Variants in KIF25 observed in about 807,000 individuals in gnomAD.
KIF25 encodes kinesin-like protein KIF25.
KIF25 carries 19 observed loss-of-function variants against 32.9 expected under a neutral mutation model. The observed-to-expected ratio is 0.58, with a 90% CI of 0.40 to 0.85. KIF25 has a LOEUF of 0.85. Ranked by LOEUF, KIF25 falls within the 40% of genes least tolerant of loss-of-function variation. KIF25 has a pLI of 0.00. For missense variants in KIF25, 485 were observed against 507.0 expected (o/e 0.96, Z 0.42); for synonymous variants, 225 against 213.7 (o/e 1.05, Z -0.46).
chr6:168,003,770 A>G (rs1798537452), intron 4 of KIF25, 67 bp downstream of exon 4: 1 of 152,182 alleles, frequency 6.6e-6, no homozygotes, highest in African/African-American at 2.4e-5. Flanking sequence ...TAAATAGAAA[A>G]TAATTTATTT....
intron 4 of KIF25, among the ~76,000 whole-genome samples, chr6:168,011,612 C>T (rs1798647582): frequency 6.6e-6 from 1 of 152,146 alleles, no homozygotes; most frequent in South Asian, 2.1e-4. Flanking sequence ...TCTCTTGCTG[C>T]TTTTAAAATT....
At chr6:168,025,483 G>T (rs1226420050) in intron 5 of KIF25, among the ~76,000 whole-genome samples, 1 of 152,048 alleles carries the variant, frequency 6.6e-6, no homozygotes, top group Non-Finnish European at 1.5e-5. Flanking sequence ...TTAAAATCGT[G>T]GCTTGCTGGA....
chr6:168,016,699 C>G (rs996770955), intron 4 of KIF25, among the ~76,000 whole-genome samples: 3 of 152,264 alleles, frequency 2.0e-5, no homozygotes, highest in Non-Finnish European at 4.4e-5. Flanking sequence ...TTCTTCTTTT[C>G]TAATTTGCAT....
intron 5 of KIF25, among the ~76,000 whole-genome samples, chr6:168,025,429 C>T (rs747482262): frequency 1.3e-5 from 2 of 152,144 alleles, no homozygotes; most frequent in Non-Finnish European, 2.9e-5. Context: ...GGGACAAGGT[C>T]TTACCTTGCA....
In KIF25 at chr6:168,016,662, T is replaced by C. The variant is rs149288782; in HGVS notation, c.-162-1311T>C. On this transcript the variant is annotated intron_variant, in intron 4 of 12. Coordinates refer to ENST00000643607, the MANE Select transcript of KIF25 (RefSeq NM_030615.4). ...CCACTCCCTCCCTCTTAACTTTCTTTCTTTGGCTTCGGTGACTTCATCTGC... is the reference window on the plus strand; with the variant it reads ...CCACTCCCTCCCTCTTAACTTTCTTCCTTTGGCTTCGGTGACTTCATCTGC... 1.2e-3 allele frequency among the ~76,000 whole-genome samples: 190 copies of C among 152,382 alleles called. 1 individual carries two copies. The highest frequency in any genetic ancestry group is 4.3e-3 in the African/African-American group (179 of 41,594).
chr6:168,014,791 T>C (rs1798692594), intron 4 of KIF25, among the ~76,000 whole-genome samples: 1 of 152,234 alleles, frequency 6.6e-6, no homozygotes, highest in Non-Finnish European at 1.5e-5. Flanking sequence ...TTTTCATTTT[T>C]CATTTAATTT....
intron 2 of KIF25, among the ~76,000 whole-genome samples, chr6:168,000,197 A>C (rs13212458): frequency 0.16 from 3,265 of 19,834 alleles, no homozygotes; most frequent in Middle Eastern, 0.21. Context: ...CACACCTGAC[A>C]CTCCCCACTC....
chr6:168,018,184 A>G (rs1798741897), intron 5 of KIF25, 144 bp downstream of exon 5: 2 of 152,192 alleles, frequency 1.3e-5, no homozygotes, highest in African/African-American at 2.4e-5. Context: ...CCTGAGGTAG[A>G]TTTTTCAACT....
At chr6:168,031,194 G>T (rs1269583015) in intron 7 of KIF25, among the ~76,000 whole-genome samples, 1 of 152,196 alleles carries the variant, frequency 6.6e-6, no homozygotes, top group Non-Finnish European at 1.5e-5. Context: ...AATCTGTAAG[G>T]AATGTTAATG....
Position 167,997,815 on chromosome 6 carries a change from T to C in KIF25, c.-1654T>C, listed in dbSNP as rs1798442871. Among the ~76,000 whole-genome samples the C allele has an allele frequency of 6.6e-6, 1 of 152,148 alleles. No individual in the cohort carries two copies. The highest frequency in any genetic ancestry group is 1.9e-4 in the East Asian group (1 of 5,198). ...TCGCTTCTGTGAGGTTTGATTTTGA[T>C]GGTTGCACTTTGGCCAGTTTCTCCG... is the stretch of plus-strand genomic sequence containing the variant. On this transcript the variant is annotated 5_prime_UTR_variant, in exon 1 of 13. It removes an upstream start codon present in the reference 5' UTR. Transcript: ENST00000643607.
chr6:168,025,722 A>G (rs1424856807), intron 5 of KIF25, among the ~76,000 whole-genome samples: 1 of 152,256 alleles, frequency 6.6e-6, no homozygotes, highest in Admixed American at 6.5e-5. Flanking sequence ...GAAGGATTCA[A>G]TGCGCACCTT....
intron 8 of KIF25, 144 bp from the exon 9 acceptor site, chr6:168,038,409 T>C: frequency 1.4e-6 from 1 of 720,614 alleles, no homozygotes. Flanking sequence ...CTGAGTGATC[T>C]TCGGGTATGT....
chr6:168,043,987 C>T (rs571465028), intron 12 of KIF25, among the ~76,000 whole-genome samples: 2 of 152,326 alleles, frequency 1.3e-5, no homozygotes, highest in South Asian at 4.1e-4. Flanking sequence ...CAGGTGTGGG[C>T]ATGAGGGAGA....
At chr6:168,020,159 G>C (rs901149708) in intron 5 of KIF25, among the ~76,000 whole-genome samples, 1 of 117,942 alleles carries the variant, frequency 8.5e-6, no homozygotes, top group Non-Finnish European at 1.9e-5. Context: ...CAAACAAACA[G>C]AGAAACACCA....
chr6:168,035,699 G>A (rs1009415329), intron 8 of KIF25: 5 of 455,836 alleles, frequency 1.1e-5, no homozygotes, highest in Admixed American at 9.4e-5. Context: ...TGGTTTTTCC[G>A]TTTTGCTGTT....
intron 5 of KIF25, among the ~76,000 whole-genome samples, chr6:168,023,211 C>A (rs1798811698): frequency 6.6e-6 from 1 of 151,714 alleles, no homozygotes; most frequent in Non-Finnish European, 1.5e-5. Context: ...CCAACTCAAG[C>A]CTTCTACCCA....
chr6:168,001,575 TGAGGCGTGGCC>T lies in KIF25; in HGVS notation c.-369-967_-369-957del, dbSNP rs1246541729. The stretch of plus-strand genomic sequence containing the variant: ...GGCCTCGGGCAGGTGAGAAGACACC[TGAGGCGTGGCC>T]TCGGGCAGGTGAGAAGACACCTGAG... On this transcript the variant is annotated intron_variant, in intron 2 of 12. Coordinates refer to ENST00000643607, the MANE Select transcript of KIF25 (RefSeq NM_030615.4). 3.1e-4 allele frequency among the ~76,000 whole-genome samples: 45 copies of T among 146,610 alleles called. 1 individual carries two copies. The highest frequency in any genetic ancestry group is 4.4e-4 in the Non-Finnish European group (29 of 66,532).
In KIF25 at chr6:168,033,915, G is replaced by A. The variant is rs747878414; in HGVS notation, c.201G>A (p.Thr67=). 35 of 1,614,004 alleles carry A rather than the reference G, an allele frequency of 2.2e-5. No individual in the cohort carries two copies. Among genetic ancestry groups the A allele is most frequent in the Non-Finnish European group, 2.8e-5 (33 of 1,180,028 alleles). The change falls in exon 8 of 13, where the codon ACG becomes ACA. Residue 67 remains threonine (T), a synonymous_variant. Coordinates refer to ENST00000643607, the MANE Select transcript of KIF25 (RefSeq NM_030615.4). Reference sequence around the variant, plus strand: ...TTTGTGTTATGGCGTATGGACAGACGGGCAGCGGAAAGAGCTATACCATGC... The same window carrying A: ...TTTGTGTTATGGCGTATGGACAGACAGGCAGCGGAAAGAGCTATACCATGC... ...YNVCVMAYGQ[T]GSGKSYTMLG... is the part of the protein sequence containing the mutation.
At chr6:168,020,148 A>G (rs1445075361) in intron 5 of KIF25, among the ~76,000 whole-genome samples, 1 of 151,808 alleles carries the variant, frequency 6.6e-6, no homozygotes, top group African/African-American at 2.4e-5. Flanking sequence ...AAACAAACAA[A>G]CAAACAAACA....
Sources: allele counts gnomAD v4.1 joint callset (sites outside exome capture counted in the v4.1 genomes callset), GRCh38; gene constraint gnomAD v4.1.1; transcripts MANE v1.5; gene names NCBI Gene and HGNC (gene_info 2026-07-23, HGNC 2026-07-21).